Variants in CACNA1A observed in about 807,000 individuals in gnomAD.
CACNA1A encodes the protein voltage-dependent P/Q-type calcium channel subunit alpha-1A.
Under a neutral mutation model 262.4 loss-of-function variants are expected in CACNA1A, and 57 were observed. The ratio of observed to expected loss-of-function variants is 0.22; its 90% CI spans 0.18 to 0.27. The LOEUF is 0.27. Ranked by LOEUF, CACNA1A falls within the 10% of genes least tolerant of loss-of-function variation. The pLI is 1.00. For synonymous variants in CACNA1A, 1,431 were observed against 1,419.3 expected, an observed-to-expected ratio of 1.01 and a Z score of -0.18; for missense variants, 2,526 against 3,562.8, an observed-to-expected ratio of 0.71 and a Z score of 7.41.
chr19:13,329,340 C>T (rs529078955), intron 10 of CACNA1A, among the ~76,000 whole-genome samples: 8 of 152,310 alleles, frequency 5.3e-5, no homozygotes, highest in Admixed American at 2.0e-4. Context: ...TCCCTGACTG[C>T]TCCCCATCCT....
intron 31 of CACNA1A, among the ~76,000 whole-genome samples, chr19:13,242,255 C>A (rs1024397655): frequency 2.0e-5 from 3 of 152,196 alleles, no homozygotes; most frequent in Admixed American, 6.5e-5. Context: ...GGTTTCCTGG[C>A]AGGTTCTGTG....
chr19:13,400,894 T>G (rs2059889316), intron 3 of CACNA1A, among the ~76,000 whole-genome samples: 2 of 152,142 alleles, frequency 1.3e-5, no homozygotes, highest in East Asian at 1.9e-4. Flanking sequence ...GCGTGATCTT[T>G]GCTCACTGCA....
At chr19:13,323,499 T>C (rs188441479) in intron 10 of CACNA1A, among the ~76,000 whole-genome samples, 23 of 152,214 alleles carry the variant, frequency 1.5e-4, no homozygotes, top group Admixed American at 1.2e-3. Flanking sequence ...TCTCCTTCTG[T>C]CGCCCAGGGT....
chr19:13,411,552 G>C (rs1462262313), intron 3 of CACNA1A, among the ~76,000 whole-genome samples: 1 of 152,108 alleles, frequency 6.6e-6, no homozygotes, highest in Non-Finnish European at 1.5e-5. Context: ...GTGGAACTGT[G>C]AGTGCATTAA....
chr19:13,267,842 G>A (rs780547126), intron 24 of CACNA1A, among the ~76,000 whole-genome samples: 3 of 151,614 alleles, frequency 2.0e-5, no homozygotes, highest in Admixed American at 1.3e-4. Flanking sequence ...GTGCAGTAGC[G>A]GGATCTTGGC....
intron 38 of CACNA1A, among the ~76,000 whole-genome samples, chr19:13,221,242 T>TTTC (rs2055216189): frequency 2.9e-5 from 1 of 34,110 alleles, no homozygotes; most frequent in African/African-American, 1.2e-4. Flanking sequence ...TTCTTTTTTT[T>TTTC]TTTTTTTTTG....
intron 24 of CACNA1A, chr19:13,273,909 C>G (rs1360213092): frequency 9.4e-6 from 1 of 105,834 alleles, no homozygotes; most frequent in Admixed American, 1.1e-4. Context: ...CCATGCCTGG[C>G]TAATTGTTTT....
intron 3 of CACNA1A, among the ~76,000 whole-genome samples, chr19:13,399,726 C>T (rs562770000): frequency 4.6e-5 from 7 of 152,278 alleles, no homozygotes; most frequent in African/African-American, 1.4e-4. Flanking sequence ...TTTTCTGCTT[C>T]GTTTTCCCCA....
At chr19:13,445,467 C>T (rs2060793543) in intron 3 of CACNA1A, among the ~76,000 whole-genome samples, 1 of 152,198 alleles carries the variant, frequency 6.6e-6, no homozygotes, top group South Asian at 2.1e-4. Flanking sequence ...CCAGGACACT[C>T]ATTATCAGAA....
chr19:13,393,642 C>T (rs564893988), intron 3 of CACNA1A, among the ~76,000 whole-genome samples: 5 of 145,128 alleles, frequency 3.4e-5, no homozygotes, highest in Middle Eastern at 7.2e-3. Context: ...TTAGCTTTCT[C>T]TTTCTTTCTC....
At chr19:13,287,392 T>C (rs1037395434) in intron 19 of CACNA1A, among the ~76,000 whole-genome samples, 2 of 152,040 alleles carry the variant, frequency 1.3e-5, no homozygotes, top group Non-Finnish European at 2.9e-5. Flanking sequence ...AGTTTGGTCA[T>C]GGAGAAGTCA....
At chr19:13,252,044 G>A (rs1410537754) in intron 30 of CACNA1A, among the ~76,000 whole-genome samples, 3 of 151,554 alleles carry the variant, frequency 2.0e-5, no homozygotes, top group East Asian at 3.9e-4. Context: ...GGGATTACAG[G>A]TGTGAGTCAC....
At chr19:13,267,284 G>C (rs1346512208) in intron 24 of CACNA1A, among the ~76,000 whole-genome samples, 1 of 152,154 alleles carries the variant, frequency 6.6e-6, no homozygotes, top group Non-Finnish European at 1.5e-5. Flanking sequence ...ACGCACCCCT[G>C]AGCACCCCCG....
In CACNA1A at chr19:13,308,256, C is replaced by T. The variant is rs1085307739; in HGVS notation, c.1782-5G>A. 3.1e-6 allele frequency: 5 copies of T among 1,610,670 alleles called. No homozygotes were observed. The highest frequency in any genetic ancestry group is 2.2e-5 in the East Asian group (1 of 44,836). ...TTTCTGAGAGATGCCCAGTACCTGC[C>T]GACAGAGGCCAGGCGAGGACTCAGG... On this transcript the variant is annotated splice_polypyrimidine_tract_variant and splice_region_variant and intron_variant, in intron 13 of 46. Coordinates refer to ENST00000360228, the MANE Select transcript of CACNA1A (RefSeq NM_001127222.2). The surrounding 1 kb of genome is among the most constrained non-coding windows in gnomAD (Gnocchi z 4.2).
intron 10 of CACNA1A, among the ~76,000 whole-genome samples, chr19:13,329,183 T>C (rs1321981909): frequency 6.6e-6 from 1 of 152,098 alleles, no homozygotes; most frequent in Non-Finnish European, 1.5e-5. Context: ...AAAGAATAAA[T>C]GTTCCCTCCT....
At chr19:13,359,408 T>C (rs1475928349) in intron 6 of CACNA1A, among the ~76,000 whole-genome samples, 198 bp downstream of exon 6, 1 of 152,174 alleles carries the variant, frequency 6.6e-6, no homozygotes, top group Non-Finnish European at 1.5e-5. Context: ...CTATGCCCTA[T>C]AGTTAGAGTT....
At chr19:13,488,269 T>A (rs7249246) in intron 1 of CACNA1A, among the ~76,000 whole-genome samples, 8 of 151,706 alleles carry the variant, frequency 5.3e-5, no homozygotes, top group Admixed American at 2.0e-4. Context: ...TAACTCTGGC[T>A]GAACTTTAGA....
At chr19:13,226,253 C>CGGGGGGGGGGGGGGGG (rs55778152) in intron 37 of CACNA1A, 1 of 55,848 alleles carries the variant, frequency 1.8e-5, no homozygotes, top group African/African-American at 8.0e-5. Context: ...TGAGGAAAAC[C>CGGGGGGGGGGGGGGGG]GGGGGGGGGG....
chr19:13,345,273 T>C (rs1434245345), intron 6 of CACNA1A, among the ~76,000 whole-genome samples: 1 of 152,214 alleles, frequency 6.6e-6, no homozygotes. Context: ...GGCAACATGA[T>C]GTGCCTGGAT....
Sources: allele counts gnomAD v4.1 joint callset (sites outside exome capture counted in the v4.1 genomes callset), GRCh38; gene constraint gnomAD v4.1.1; non-coding constraint Gnocchi (gnomAD v3.1); transcripts MANE v1.5; gene names NCBI Gene and HGNC (gene_info 2026-07-23, HGNC 2026-07-21).